The following MS4A18 variants were observed in gnomAD, a reference collection of about 807,000 sequenced individuals.
The protein encoded by MS4A18 is membrane-spanning 4-domains subfamily A member 18.
In MS4A18, 27 loss-of-function variants were observed where a neutral mutation model predicts 13.1. The ratio of observed to expected loss-of-function variants is 2.06; its 90% CI spans 1.52 to 2.84. The LOEUF is 2.84. Ranked by LOEUF, MS4A18 falls within the 30% of genes most tolerant of loss-of-function variation. The pLI is 0.00. For synonymous variants in MS4A18, 126 were observed against 76.5 expected, an observed-to-expected ratio of 1.65 and a Z score of -3.38; for missense variants, 307 against 196.4, an observed-to-expected ratio of 1.56 and a Z score of -3.37.
intron 4 of MS4A18, 40 bp from the exon 6 acceptor site, chr11:60,740,990 C>T: frequency 1.4e-6 from 1 of 702,888 alleles, no homozygotes; most frequent in Non-Finnish European, 2.6e-6. Context: ...AGGCCATCAA[C>T]CTGAAGGACT....
In MS4A18 at chr11:60,735,003, G is replaced by A. The variant is rs539946928; in HGVS notation, c.591+1356G>A. 1.1e-4 allele frequency among the ~76,000 whole-genome samples: 16 copies of A among 151,892 alleles called. No individual in the cohort carries two copies. The South Asian group carries it at 2.9e-3, about 28-fold the overall frequency. ...TTGCCATGTTGGCCAGCCTGGTCTC[G>A]AACTCCTGACCTCAGGTGATCTGCC... is the stretch of plus-strand genomic sequence containing the variant. On this transcript the variant is annotated intron_variant, in intron 2 of 5. Transcript: ENST00000529108.
chr11:60,732,957 G>T (rs1001406210), intron 1 of MS4A18, among the ~76,000 whole-genome samples: 3 of 152,202 alleles, frequency 2.0e-5, no homozygotes, highest in African/African-American at 7.2e-5. Context: ...TTTCTAAACA[G>T]AACTAACATC....
At chr11:60,732,208 G>C (rs1853265071) in intron 1 of MS4A18, among the ~76,000 whole-genome samples, 1 of 152,072 alleles carries the variant, frequency 6.6e-6, no homozygotes, top group South Asian at 2.1e-4. Flanking sequence ...GGTCCTTAAG[G>C]GAAGGATAGG....
At chr11:60,744,380 C>G (rs1314323515), downstream of MS4A18, among the ~76,000 whole-genome samples, 2 of 152,112 alleles carry the variant, frequency 1.3e-5, no homozygotes, top group Non-Finnish European at 2.9e-5. Flanking sequence ...ACACGGTTCT[C>G]CCACACAGAG....
chr11:60,729,149 G>T (rs1240304349), upstream of MS4A18, among the ~76,000 whole-genome samples: 5 of 152,212 alleles, frequency 3.3e-5, no homozygotes, highest in Non-Finnish European at 5.9e-5. Flanking sequence ...GGAAAACAGT[G>T]TGTTCTTGCC....
At position 60,740,888 on chromosome 11, in the gene MS4A18, G is replaced by A. The variant is rs1853404584; in HGVS notation, c.745-142G>A. 11 of 642,240 alleles carry A rather than the reference G, an allele frequency of 1.7e-5. No individual in the cohort carries two copies. In the East Asian group the frequency reaches 3.0e-4, roughly 18 times the overall value. 39.8% of individuals were successfully genotyped at this position (642,240 alleles called of 1,614,324 possible). On this transcript the variant is annotated intron_variant, in intron 4 of 5. Transcript: ENST00000529108. ...TAAGGCAAGGGCATATAAAATGGGT[G>A]ACCCAAGCACCTGCTCCAAAGGGCC...
chr11:60,743,910 C>T lies in MS4A18; in HGVS notation c.1119C>T (p.Thr373=), dbSNP rs746892553. Reference sequence around the variant, plus strand: ...TGACAACTGGCCCCGTTAACACTACCACTGCCCCTGCCAAAGCTACCACCA... The same window carrying T: ...TGACAACTGGCCCCGTTAACACTACTACTGCCCCTGCCAAAGCTACCACCA... The change falls in exon 6 of 6, where the codon ACC becomes ACT. Residue 373 remains threonine (T), a synonymous_variant. Coordinates refer to ENST00000529108, the Ensembl canonical transcript of MS4A18. 11 of 703,114 alleles carry T rather than the reference C, an allele frequency of 1.6e-5. No homozygotes were observed. In the Middle Eastern group the frequency reaches 9.2e-4, roughly 59 times the overall value. 43.6% of individuals were successfully genotyped at this position (703,114 alleles called of 1,614,324 possible).
intron 2 of MS4A18, among the ~76,000 whole-genome samples, chr11:60,736,574 G>T (rs1853342661): frequency 6.6e-6 from 1 of 152,178 alleles, no homozygotes; most frequent in East Asian, 1.9e-4. Flanking sequence ...ACACTGCTCA[G>T]CCCCTGGTTT....
intron 3 of MS4A18, among the ~76,000 whole-genome samples, chr11:60,738,365 C>T (rs1301081404): frequency 6.6e-6 from 1 of 152,190 alleles, no homozygotes; most frequent in Admixed American, 6.5e-5. Context: ...CCACAGGGAC[C>T]AAGTCTCCCC....
chr11:60,737,626 G>T (rs1853360725), intron 3 of MS4A18, among the ~76,000 whole-genome samples: 1 of 152,196 alleles, frequency 6.6e-6, no homozygotes, highest in Non-Finnish European at 1.5e-5. Flanking sequence ...ATCCAGCAAA[G>T]TATCTGGTCA....
chr11:60,744,799 C>T (rs1853463301), downstream of MS4A18, among the ~76,000 whole-genome samples: 1 of 152,170 alleles, frequency 6.6e-6, no homozygotes, highest in Non-Finnish European at 1.5e-5. Flanking sequence ...AATGAAATAA[C>T]ACTACACACC....
upstream of MS4A18, among the ~76,000 whole-genome samples, chr11:60,725,416 G>T (rs148598873): frequency 1.9e-3 from 283 of 152,130 alleles, 1 homozygote; most frequent in African/African-American, 6.4e-3. Context: ...GGATGGTCTC[G>T]ATCTCCTGAC....
At chr11:60,744,277 A>G, downstream of MS4A18, 1 of 375,108 alleles carries the variant, frequency 2.7e-6, no homozygotes, top group South Asian at 3.0e-5. Flanking sequence ...TTCCTGATGT[A>G]TGCTCACTGT....
intron 2 of MS4A18, among the ~76,000 whole-genome samples, chr11:60,733,919 C>T (rs1211893665): frequency 1.3e-5 from 2 of 149,268 alleles, no homozygotes; most frequent in South Asian, 2.2e-4. Flanking sequence ...TTTACCTCTT[C>T]CACCCTCTCT....
chr11:60,735,062 C>T (rs1853314457), intron 2 of MS4A18, among the ~76,000 whole-genome samples: 1 of 152,160 alleles, frequency 6.6e-6, no homozygotes. Flanking sequence ...GGATTACAGG[C>T]ATGAGCCATC....
chr11:60,725,643 G>T (rs573771620), upstream of MS4A18, among the ~76,000 whole-genome samples: 1 of 152,262 alleles, frequency 6.6e-6, no homozygotes, highest in Admixed American at 6.5e-5. Flanking sequence ...AGAGAGAAAT[G>T]ATTAATTTTT....
At chr11:60,728,645 G>A (rs1853203707), upstream of MS4A18, among the ~76,000 whole-genome samples, 1 of 151,712 alleles carries the variant, frequency 6.6e-6, no homozygotes, top group South Asian at 2.1e-4. Context: ...GTGTCTGTCT[G>A]TCTGTGTCTA....
chr11:60,730,366 G>A (rs1239044171), intron 1 of MS4A18, among the ~76,000 whole-genome samples: 3 of 152,178 alleles, frequency 2.0e-5, no homozygotes, highest in Non-Finnish European at 4.4e-5. Context: ...GGCTGGATCT[G>A]GATGCCTGGC....
intron 2 of MS4A18, among the ~76,000 whole-genome samples, chr11:60,735,131 T>G (rs1301966122): frequency 6.6e-6 from 1 of 152,096 alleles, no homozygotes; most frequent in Non-Finnish European, 1.5e-5. Flanking sequence ...CTTGAAGGGG[T>G]TTGAATGGTA....
Sources: allele counts gnomAD v4.1 joint callset (sites outside exome capture counted in the v4.1 genomes callset), GRCh38; gene constraint gnomAD v4.1.1; transcripts MANE v1.5; gene names NCBI Gene and HGNC (gene_info 2026-07-23, HGNC 2026-07-21).